Variants in LANCL1 observed in about 807,000 individuals in gnomAD.
LANCL1 encodes glutathione S-transferase LANCL1.
A neutral mutation model predicts 50.6 loss-of-function variants in LANCL1; 50 were observed. The ratio of observed to expected loss-of-function variants is 0.99; its 90% CI spans 0.79 to 1.25. The LOEUF (loss-of-function observed/expected upper bound fraction) is 1.25. Ranked by LOEUF, LANCL1 falls within the 50% of genes most tolerant of loss-of-function variation. LANCL1 has a pLI of 0.00. For missense variants in LANCL1, 532 were observed against 480.7 expected (o/e 1.11, Z -1.00); for synonymous variants, 188 against 178.6 (o/e 1.05, Z -0.42).
In LANCL1 at chr2:210,441,387, C is replaced by T. The variant is rs150808869; in HGVS notation, c.464G>A (p.Arg155Gln). ...AAGAAGAGCATAGATGTAGCCTATT[C>T]GCCCATAGAGCATTTCATTTGGAGC... ...PHAPNEMLYG[R>Q]IGYIYALLFV... The change falls in exon 5 of 10, where the codon CGA (arginine) becomes CAA (glutamine). Residue 155 changes from arginine (R) to glutamine (Q), a missense_variant. By Grantham distance (43) the Arg-to-Gln change is conservative. Transcript: ENST00000450366. 6.6e-5 allele frequency: 106 copies of T among 1,612,348 alleles called. No homozygotes were observed. Among genetic ancestry groups the T allele is most frequent in the African/African-American group, 5.2e-4 (39 of 74,842 alleles).
chr2:210,463,156 A>C (rs1357928707), intron 3 of LANCL1, among the ~76,000 whole-genome samples: 1 of 151,832 alleles, frequency 6.6e-6, no homozygotes, highest in African/African-American at 2.4e-5. Flanking sequence ...GCTTTGCCTC[A>C]TTTTTCTTAT....
intron 8 of LANCL1, 112 bp downstream of exon 8, chr2:210,436,104 T>A (rs1559704667): frequency 1.2e-6 from 1 of 831,762 alleles, no homozygotes; most frequent in African/African-American, 1.7e-5. Flanking sequence ...TTAGCCAGGC[T>A]GGTCTCGAAC....
chr2:210,450,369 A>G (rs1396651163), intron 4 of LANCL1, among the ~76,000 whole-genome samples: 1 of 152,164 alleles, frequency 6.6e-6, no homozygotes, highest in African/African-American at 2.4e-5. Flanking sequence ...ACTTAAATGT[A>G]AGGCCTAAAA....
At chr2:210,473,465 T>C (rs1273636304) in intron 2 of LANCL1, among the ~76,000 whole-genome samples, 1 of 152,232 alleles carries the variant, frequency 6.6e-6, no homozygotes, top group African/African-American at 2.4e-5. Flanking sequence ...ATTCTAAGAC[T>C]TGAATTTCAC....
At chr2:210,454,721 T>C (rs1050977416) in intron 4 of LANCL1, among the ~76,000 whole-genome samples, 1 of 152,246 alleles carries the variant, frequency 6.6e-6, no homozygotes, top group African/African-American at 2.4e-5. Context: ...TCATTGCCTC[T>C]AAGAAAGGCC....
At chr2:210,437,572 G>T in intron 7 of LANCL1, 118 bp downstream of exon 7, 1 of 547,992 alleles carries the variant, frequency 1.8e-6, no homozygotes. Context: ...TTAGTAAAGT[G>T]ATCTTAGGTC....
chr2:210,443,770 G>A (rs1380075175), intron 4 of LANCL1, among the ~76,000 whole-genome samples: 1 of 152,108 alleles, frequency 6.6e-6, no homozygotes, highest in African/African-American at 2.4e-5. Flanking sequence ...CTAAGCAGGA[G>A]TCAACACTCA....
At chr2:210,436,111 G>C (rs113429407) in intron 8 of LANCL1, 105 bp downstream of exon 8, 2 of 951,094 alleles carry the variant, frequency 2.1e-6, no homozygotes, top group Non-Finnish European at 3.1e-6. Context: ...GGCTGGTCTC[G>C]AACTCCTGAC....
chr2:210,462,398 T>A (rs1693891862), intron 3 of LANCL1, among the ~76,000 whole-genome samples: 1 of 152,182 alleles, frequency 6.6e-6, no homozygotes, highest in Admixed American at 6.5e-5. Context: ...ATGTCATACA[T>A]CAATATCATG....
At chr2:210,462,497 C>T (rs1693894366) in intron 3 of LANCL1, among the ~76,000 whole-genome samples, 1 of 152,186 alleles carries the variant, frequency 6.6e-6, no homozygotes, top group Non-Finnish European at 1.5e-5. Context: ...CACTTATTAA[C>T]AGCTGCAGGA....
At position 210,431,393 on chromosome 2, in the gene LANCL1, A is replaced by ATAAT. The variant is rs1188404417; in HGVS notation, c.*3090_*3093dup. 2 of 152,228 alleles carry ATAAT rather than the reference A, an allele frequency of 1.3e-5. No individual in the cohort carries two copies. The highest frequency in any genetic ancestry group is 2.9e-5 in the Non-Finnish European group (2 of 68,042). 9.4% of individuals were successfully genotyped at this position (152,228 alleles called of 1,614,324 possible). ...CTGAATATCCCAAACAGTTTGCTTT[A>ATAAT]TAATTAGAGAAACAGTTCGTCTACA... is the stretch of plus-strand genomic sequence containing the variant. On this transcript the variant is annotated 3_prime_UTR_variant, in exon 10 of 10. Coordinates refer to ENST00000450366, the MANE Select transcript of LANCL1 (RefSeq NM_006055.3).
chr2:210,448,220 C>T (rs115546988), intron 4 of LANCL1, among the ~76,000 whole-genome samples: 15,022 of 152,148 alleles, frequency 0.099, 1,091 homozygotes, highest in Middle Eastern at 0.19. Context: ...CACAACTACA[C>T]GGAAAGTGAA....
chr2:210,440,486 A>T, intron 6 of LANCL1, 112 bp downstream of exon 6: 1 of 989,596 alleles, frequency 1.0e-6, no homozygotes, highest in Non-Finnish European at 1.5e-6. Flanking sequence ...AGAGTACTGT[A>T]ATGCAGTGGT....
intron 3 of LANCL1, among the ~76,000 whole-genome samples, chr2:210,458,621 C>T (rs964576541): frequency 2.0e-5 from 3 of 152,016 alleles, no homozygotes; most frequent in Non-Finnish European, 4.4e-5. Context: ...ATCAGCAGAA[C>T]CTGGTGGGGG....
chr2:210,452,496 T>A (rs778529065), intron 4 of LANCL1, among the ~76,000 whole-genome samples: 1 of 152,104 alleles, frequency 6.6e-6, no homozygotes. Context: ...TGTCCTCCCC[T>A]CCACTCCCCA....
intron 3 of LANCL1, among the ~76,000 whole-genome samples, chr2:210,464,663 T>A (rs1001572965): frequency 1.3e-5 from 2 of 152,144 alleles, no homozygotes; most frequent in Non-Finnish European, 2.9e-5. Flanking sequence ...AAAGCTAAAA[T>A]TTATTAAAAC....
chr2:210,471,774 C>T (rs1694230527), intron 3 of LANCL1, 185 bp downstream of exon 3: 1 of 742,270 alleles, frequency 1.3e-6, no homozygotes, highest in African/African-American at 1.7e-5. Context: ...ATTCAGGGCA[C>T]TATTAAAAAC....
chr2:210,463,739 G>C (rs897510926), intron 3 of LANCL1, among the ~76,000 whole-genome samples: 1 of 152,136 alleles, frequency 6.6e-6, no homozygotes, highest in Non-Finnish European at 1.5e-5. Flanking sequence ...GAGACCAGAG[G>C]GATTTATGGT....
In LANCL1 at chr2:210,437,750, CAGATCTCG is replaced by C. The variant is rs1376300760; in HGVS notation, c.805_812del (p.Arg269AlafsTer20). ...GGGCGCCATGGCACCAATGGACAAG[CAGATCTCG>C]ATTATCACCTATACATGGAGGGTAA... On this transcript the variant is annotated frameshift_variant, in exon 7 of 10. Coordinates refer to ENST00000450366, the MANE Select transcript of LANCL1 (RefSeq NM_006055.3). LOFTEE classifies it high-confidence loss of function. 5.0e-6 allele frequency: 8 copies of C among 1,612,144 alleles called. 1 individual carries two copies. In the South Asian group the frequency reaches 6.6e-5, roughly 13 times the overall value.
Sources: gnomAD v4.1 joint callset for allele counts (sites outside exome capture counted in the v4.1 genomes callset) on GRCh38, gnomAD v4.1.1 for gene constraint, MANE v1.5 for transcripts, NCBI Gene and HGNC (gene_info 2026-07-23, HGNC 2026-07-21) for gene names.